The following DENND4C variants were observed in gnomAD, a reference collection of about 807,000 sequenced individuals.
The protein encoded by DENND4C is DENN domain containing 4C, also known as DENN domain-containing protein 4C.
Under a neutral mutation model 203.0 loss-of-function variants are expected in DENND4C, and 108 were observed. The observed-to-expected ratio is 0.53, with a 90% confidence interval of 0.46 to 0.62. The LOEUF (loss-of-function observed/expected upper bound fraction) is 0.62, where lower values mean the gene tolerates loss of function less well. Ranked by LOEUF, DENND4C falls within the 20% of genes least tolerant of loss-of-function variation. The pLI is 0.00. For synonymous variants in DENND4C, 871 were observed against 792.4 expected, an observed-to-expected ratio of 1.10 and a Z score of -1.67; for missense variants, 2,481 against 2,301.2, an observed-to-expected ratio of 1.08 and a Z score of -1.60.
rs151013945 is a variant in DENND4C at position 19,369,766 on chromosome 9, C to CAA, written c.5525-59_5525-58dup. ...TGGGTAACAGAGTGAGATGTTGTCT[C>CAA]AAAAAAAAAAAAATAATAATAATAA... is the stretch of plus-strand genomic sequence containing the variant. On this transcript the variant is annotated intron_variant, in intron 30 of 32. Transcript: ENST00000434457. 2,835 of 674,958 alleles carry CAA rather than the reference C, an allele frequency of 4.2e-3. 9 individuals are homozygous for CAA. Among genetic ancestry groups the CAA allele is most frequent in the South Asian group, 0.019 (269 of 14,336 alleles). The allele number at this position is 674,958 out of a possible 1,614,324, so 41.8% of individuals were successfully genotyped here. A position where few individuals can be genotyped will look rare whatever the true frequency, so the allele number is the denominator to read the frequency against.
At chr9:19,244,894 T>C (rs1014449881) in intron 1 of DENND4C, among the ~76,000 whole-genome samples, 1 of 152,228 alleles carries the variant, frequency 6.6e-6, no homozygotes, top group African/African-American at 2.4e-5. Context: ...CTTACTGGGT[T>C]GTTATGAATA....
intron 31 of DENND4C, chr9:19,371,495 C>G (rs889327149): frequency 2.3e-4 from 58 of 247,546 alleles, no homozygotes; most frequent in African/African-American, 1.3e-3. Flanking sequence ...TGCCCATTAA[C>G]TATGTTTTAA....
At chr9:19,315,732 G>A (rs932385093) in intron 10 of DENND4C, among the ~76,000 whole-genome samples, 1 of 149,226 alleles carries the variant, frequency 6.7e-6, no homozygotes, top group South Asian at 2.1e-4. Context: ...TTGAGACATA[G>A]TCTTGCTCTG....
chr9:19,315,533 A>T (rs1466468779), intron 10 of DENND4C, among the ~76,000 whole-genome samples: 1 of 150,990 alleles, frequency 6.6e-6, no homozygotes, highest in East Asian at 1.9e-4. Flanking sequence ...GTATATATGT[A>T]TGTGTATATA....
intron 8 of DENND4C, 72 bp downstream of exon 8, chr9:19,299,359 G>A: frequency 5.8e-6 from 6 of 1,033,402 alleles, no homozygotes; most frequent in Non-Finnish European, 6.9e-6. Context: ...TTAGTGATTA[G>A]TATATTATTA....
At position 19,328,077 on chromosome 9, in the gene DENND4C, A is replaced by C. The variant is rs1206236771; in HGVS notation, c.2168A>C (p.Gln723Pro). Reference protein sequence around the residue: ...RLDLKLFDRPQELKLCFSRHP... With the variant: ...RLDLKLFDRPPELKLCFSRHP... ...GACCTTAAGCTTTTTGACAGACCGCAGGAGTTGAAACTTTGTTTTAGTAGA... is the reference window on the plus strand; with the variant it reads ...GACCTTAAGCTTTTTGACAGACCGCCGGAGTTGAAACTTTGTTTTAGTAGA... Residue 723 changes from glutamine to proline, a missense_variant, in exon 16 of 33, where the codon CAG (glutamine) becomes CCG (proline). Transcript: ENST00000434457. 1.2e-6 allele frequency: 2 copies of C among 1,613,618 alleles called. No individual in the cohort carries two copies. Among genetic ancestry groups the C allele is most frequent in the African/African-American group, 2.7e-5 (2 of 74,896 alleles).
chr9:19,316,852 G>C lies in DENND4C; in HGVS notation c.1807+13G>C. 3 of 1,595,784 alleles carry C rather than the reference G, an allele frequency of 1.9e-6. No individual in the cohort carries two copies. The highest frequency in any genetic ancestry group is 1.1e-5 in the South Asian group (1 of 87,976). ...TTTGACCGACAGGGTGAGTAGCATTGAAAGTACAATTCCTTTTATTGAGGT... is the reference window on the plus strand; with the variant it reads ...TTTGACCGACAGGGTGAGTAGCATTCAAAGTACAATTCCTTTTATTGAGGT... On this transcript the variant is annotated intron_variant, in intron 12 of 32. Coordinates refer to ENST00000434457, the MANE Select transcript of DENND4C (RefSeq NM_001330640.2).
At chr9:19,254,590 G>A (rs1564089853) in intron 1 of DENND4C, among the ~76,000 whole-genome samples, 1 of 152,166 alleles carries the variant, frequency 6.6e-6, no homozygotes. Context: ...TGGGGAGGAG[G>A]TAGGGGAAAT....
intron 10 of DENND4C, among the ~76,000 whole-genome samples, chr9:19,305,878 A>G (rs1465178127): frequency 2.6e-5 from 4 of 152,228 alleles, no homozygotes; most frequent in Admixed American, 6.5e-5. Flanking sequence ...TCCATATGTA[A>G]GTAAAATGGG....
chr9:19,261,933 T>A (rs984413693), intron 1 of DENND4C, among the ~76,000 whole-genome samples: 1 of 152,074 alleles, frequency 6.6e-6, no homozygotes, highest in Admixed American at 6.6e-5. Context: ...TTAAGTACTT[T>A]ATTTTATTTG....
At chr9:19,282,120 A>AT (rs1588834706) in intron 2 of DENND4C, among the ~76,000 whole-genome samples, 1 of 150,788 alleles carries the variant, frequency 6.6e-6, no homozygotes, top group East Asian at 1.9e-4. Flanking sequence ...GTTTTTGTTA[A>AT]TTTTTTTGAT....
chr9:19,288,699 A>G (rs979829065), intron 4 of DENND4C, 34 bp downstream of exon 4: 77 of 1,157,064 alleles, frequency 6.7e-5, no homozygotes, highest in Middle Eastern at 3.3e-4. Context: ...CTCAATTGCT[A>G]TAGTTATTGG....
chr9:19,329,438 TTTTA>T lies in DENND4C; in HGVS notation c.2253+1280_2253+1283del, dbSNP rs565849085. Among the ~76,000 whole-genome samples the T allele has an allele frequency of 4.6e-5, 7 of 152,388 alleles. No individual in the cohort carries two copies. In the South Asian group the frequency reaches 1.4e-3, roughly 32 times the overall value. ...TATTCCATTGTGTGGATATACCATA[TTTTA>T]TTTGTCTATTCATAGACATGTGGAT... is the stretch of plus-strand genomic sequence containing the variant. On this transcript the variant is annotated intron_variant, in intron 16 of 32. Coordinates refer to ENST00000434457, the MANE Select transcript of DENND4C (RefSeq NM_001330640.2).
At chr9:19,280,447 A>G (rs1419750211) in intron 2 of DENND4C, among the ~76,000 whole-genome samples, 2 of 152,130 alleles carry the variant, frequency 1.3e-5, no homozygotes, top group African/African-American at 4.8e-5. Context: ...GCCCCGCCGG[A>G]AGGGGCTTTT....
At chr9:19,266,972 C>T (rs116189934) in intron 1 of DENND4C, among the ~76,000 whole-genome samples, 3,190 of 152,132 alleles carry the variant, frequency 0.021, 121 homozygotes, top group African/African-American at 0.072. Flanking sequence ...GGTCAGAGAC[C>T]TATTTGACGT....
chr9:19,358,017 G>T lies in DENND4C; in HGVS notation c.5017G>T (p.Val1673Leu). 1 of 1,613,626 alleles carries T rather than the reference G, an allele frequency of 6.2e-7. No homozygotes were observed. Among genetic ancestry groups the T allele is most frequent in the Middle Eastern group, 1.7e-4 (1 of 6,060 alleles). The change falls in exon 28 of 33, where the codon GTG becomes TTG. Residue 1673 changes from valine (V) to leucine (L), a missense_variant. By Grantham distance (32) the Val-to-Leu change is conservative. Transcript: ENST00000434457. This position sits in a 1 kb window ranked among gnomAD's most constrained non-coding sequence, Gnocchi z 4.8. ...TGTCCAAACTATGAAAATTTCATCT[G>T]TGCCTAATAGTTTATCAAAGCGAAA... ...GDVQTMKISSVPNSLSKRNVS... is the reference protein window; with the variant it reads ...GDVQTMKISSLPNSLSKRNVS...
intron 16 of DENND4C, among the ~76,000 whole-genome samples, chr9:19,331,151 A>G (rs1442540896): frequency 6.6e-6 from 1 of 152,148 alleles, no homozygotes; most frequent in Non-Finnish European, 1.5e-5. Flanking sequence ...CCAGAACTAG[A>G]AAACATGACT....
rs55934794 is a variant in DENND4C, at chr9:19,282,559, T to TAAAAAAAA, written c.306-4201_306-4194dup. Among the ~76,000 whole-genome samples the TAAAAAAAA allele has an allele frequency of 8.7e-5, 12 of 137,208 alleles. No homozygotes were observed. In the East Asian group the frequency reaches 2.1e-3, roughly 25 times the overall value. The allele number at this position is 137,208 out of a possible 152,430, so 90.0% of individuals were successfully genotyped here. On this transcript the variant is annotated intron_variant, in intron 2 of 32. Coordinates refer to ENST00000434457, the MANE Select transcript of DENND4C (RefSeq NM_001330640.2). ...ATGTGCCACCACGCCTGGCAAAAAT[T>TAAAAAAAA]AAAAAAAAAAAAAAAATAATGGGGT... is the stretch of plus-strand genomic sequence containing the variant.
In DENND4C at chr9:19,316,821, T is replaced by A; in HGVS notation, c.1789T>A (p.Ser597Thr). ...TTCAAATAAAGCCACAGCTGCTGAT[T>A]CATTGTTTGACCGACAGGGTGAGTA... ...APSNKATAADSLFDRQGFLKS... is the reference protein window; with the variant it reads ...APSNKATAADTLFDRQGFLKS... The change falls in exon 12 of 33, where the codon TCA becomes ACA. Residue 597 changes from serine (S) to threonine (T), a missense_variant. This residue lies in a region of DENND4C where 2,289 missense variants were observed against 2,113.3 expected (regional missense o/e 1.08). Coordinates refer to ENST00000434457, the MANE Select transcript of DENND4C (RefSeq NM_001330640.2). 6.2e-7 allele frequency: 1 copy of A among 1,613,324 alleles called. No individual in the cohort carries two copies. Among genetic ancestry groups the A allele is most frequent in the Non-Finnish European group, 8.5e-7 (1 of 1,179,754 alleles).
Sources: gnomAD v4.1 joint callset for allele counts (sites outside exome capture counted in the v4.1 genomes callset) on GRCh38, gnomAD v4.1.1 for gene constraint, gnomAD v4.1.1 regional missense constraint, Gnocchi (gnomAD v3.1) non-coding constraint, MANE v1.5 for transcripts, NCBI Gene and HGNC (gene_info 2026-07-23, HGNC 2026-07-21) for gene names.